The following CNKSR2 variants were observed in gnomAD, a reference collection of about 807,000 sequenced individuals.
CNKSR2 encodes connector enhancer of kinase suppressor of Ras 2, also known as CNK homolog protein 2.
In CNKSR2, 14 loss-of-function variants were observed where a neutral mutation model predicts 84.4. That is an observed-to-expected ratio of 0.17 (90% CI 0.11 to 0.26). The LOEUF (loss-of-function observed/expected upper bound fraction) is 0.26. Ranked by LOEUF, CNKSR2 falls within the 10% of genes least tolerant of loss-of-function variation. CNKSR2 has a pLI of 1.00. For missense variants in CNKSR2, 485 were observed against 771.2 expected, an observed-to-expected ratio of 0.63 and a Z score of 4.40; for synonymous variants, 275 against 277.9, an observed-to-expected ratio of 0.99 and a Z score of 0.10.
chrX:21,573,586 G>A (rs188850220), intron 13 of CNKSR2, among the ~76,000 whole-genome samples: 87 of 112,150 alleles, frequency 7.8e-4, no homozygotes, highest in African/African-American at 2.6e-3. Context: ...ACACCACATG[G>A]GAGCTACCAA....
At chrX:21,585,269 A>G (rs1480574206) in intron 13 of CNKSR2, among the ~76,000 whole-genome samples, 1 of 104,589 alleles carries the variant, frequency 9.6e-6, no homozygotes. Context: ...ATATATATTT[A>G]TATATTATAT....
chrX:21,424,739 A>G (rs1050698551), intron 1 of CNKSR2: 2 of 112,077 alleles, frequency 1.8e-5, no homozygotes, highest in Non-Finnish European at 1.9e-5. Context: ...GCAGTGTCTG[A>G]CAAATAATTC....
At chrX:21,580,693 T>C (rs1325572350) in intron 13 of CNKSR2, among the ~76,000 whole-genome samples, 2 of 111,854 alleles carry the variant, frequency 1.8e-5, no homozygotes, top group Non-Finnish European at 3.8e-5. Flanking sequence ...TTTGAGATTC[T>C]TGGGTTTCAT....
chrX:21,489,289 A>G (rs192560170), intron 5 of CNKSR2, among the ~76,000 whole-genome samples: 18 of 111,583 alleles, frequency 1.6e-4, no homozygotes, highest in African/African-American at 5.5e-4. Flanking sequence ...GGCAAAATAA[A>G]CTTCCTAAAT....
Position 21,512,342 on chromosome X carries a change from T to G in CNKSR2, c.811-4143T>G, listed in dbSNP as rs970820142. Among the ~76,000 whole-genome samples the G allele has an allele frequency of 4.5e-5, 5 of 111,490 alleles. No homozygotes were observed. In the East Asian group the frequency reaches 8.5e-4, roughly 19 times the overall value. On this transcript the variant is annotated intron_variant, in intron 8 of 21. Coordinates refer to ENST00000379510, the MANE Select transcript of CNKSR2 (RefSeq NM_014927.5). ...GATCAAAAACTCTGGGGGTTAAAAC[T>G]CAGCATTCTTTTAACAAGGCTTCAA...
At chrX:21,381,077 T>C (rs2089891896) in intron 1 of CNKSR2, among the ~76,000 whole-genome samples, 1 of 112,287 alleles carries the variant, frequency 8.9e-6, no homozygotes, top group African/African-American at 3.2e-5. Context: ...CCTGTATTCC[T>C]CAAAATGGTA....
intron 1 of CNKSR2, among the ~76,000 whole-genome samples, chrX:21,419,564 C>T (rs1323670706): frequency 9.0e-6 from 1 of 111,200 alleles, no homozygotes; most frequent in African/African-American, 3.3e-5. Flanking sequence ...TCCAGATATT[C>T]AAAAGGACTT....
chrX:21,491,332 T>C lies in CNKSR2; in HGVS notation c.681+754T>C, dbSNP rs374363449. ...TACATGTTAGTTTGGTGCTATAGTGTTTCCACTTTCTCCCTGTATATGAAT... is the reference window on the plus strand; with the variant it reads ...TACATGTTAGTTTGGTGCTATAGTGCTTCCACTTTCTCCCTGTATATGAAT... On this transcript the variant is annotated intron_variant, in intron 6 of 21. Coordinates refer to ENST00000379510, the MANE Select transcript of CNKSR2 (RefSeq NM_014927.5). 6.2e-5 allele frequency: 7 copies of C among 112,046 alleles called. No homozygotes were observed. The East Asian group carries it at 1.7e-3, about 27-fold the overall frequency. The allele number at this position is 112,046 out of a possible 1,213,427, so 9.2% of individuals were successfully genotyped here.
At chrX:21,569,786 G>A (rs1188940693) in intron 13 of CNKSR2, among the ~76,000 whole-genome samples, 2 of 112,065 alleles carry the variant, frequency 1.8e-5, no homozygotes, top group African/African-American at 6.5e-5. Flanking sequence ...CAGCTGAATG[G>A]CTGATATATT....
intron 9 of CNKSR2, among the ~76,000 whole-genome samples, chrX:21,519,712 G>A (rs185636602): frequency 1.4e-4 from 16 of 111,022 alleles, no homozygotes; most frequent in East Asian, 1.1e-3. Context: ...AATCTGTGGC[G>A]TTTATTTAAC....
At chrX:21,430,454 G>A (rs1286831667) in intron 2 of CNKSR2, among the ~76,000 whole-genome samples, 1 of 111,218 alleles carries the variant, frequency 9.0e-6, no homozygotes, top group East Asian at 2.8e-4. Flanking sequence ...CTTTTATGGA[G>A]GCTAATAGCT....
chrX:21,531,826 ATCT>A, intron 10 of CNKSR2, 27 bp from the exon 11 acceptor site: 1 of 1,057,023 alleles, frequency 9.5e-7, no homozygotes, highest in Non-Finnish European at 1.3e-6. Context: ...ATGTTTCTAC[ATCT>A]TCTCCTTTAC....
chrX:21,428,636 T>A (rs898131565), intron 2 of CNKSR2: 21 of 111,222 alleles, frequency 1.9e-4, no homozygotes, highest in Admixed American at 5.8e-4. Context: ...TAAATAAAAA[T>A]ATATATATAG....
At chrX:21,646,133 G>A (rs1011106780) in intron 20 of CNKSR2, among the ~76,000 whole-genome samples, 1 of 111,396 alleles carries the variant, frequency 9.0e-6, no homozygotes, top group African/African-American at 3.3e-5. Context: ...TGTATGATGT[G>A]TAGGGGATGG....
intron 20 of CNKSR2, among the ~76,000 whole-genome samples, chrX:21,638,604 A>C (rs2092681418): frequency 9.0e-6 from 1 of 111,730 alleles, no homozygotes; most frequent in Non-Finnish European, 1.9e-5. Context: ...CACAATTAGA[A>C]GTTTCAGTGA....
chrX:21,542,591 A>G (rs1447645285), intron 11 of CNKSR2, among the ~76,000 whole-genome samples: 1 of 111,605 alleles, frequency 9.0e-6, no homozygotes, highest in Non-Finnish European at 1.9e-5. Context: ...TTGCTTGGCA[A>G]CTTTTCAAAA....
At chrX:21,512,329 T>G (rs779631630) in intron 8 of CNKSR2, among the ~76,000 whole-genome samples, 5 of 111,134 alleles carry the variant, frequency 4.5e-5, no homozygotes, top group Non-Finnish European at 9.4e-5. Flanking sequence ...TCAAAAACTC[T>G]GGGGGTTAAA....
At chrX:21,512,938 G>A (rs1037250840) in intron 8 of CNKSR2, among the ~76,000 whole-genome samples, 18 of 111,812 alleles carry the variant, frequency 1.6e-4, no homozygotes, top group Non-Finnish European at 2.3e-4. Context: ...AATCTTGGCC[G>A]AGAAAACAAT....
At chrX:21,546,609 G>T (rs1194440688) in intron 11 of CNKSR2, among the ~76,000 whole-genome samples, 2 of 110,537 alleles carry the variant, frequency 1.8e-5, no homozygotes, top group South Asian at 7.8e-4. Context: ...GAAAAGCAAC[G>T]CCAGGACACA....
Sources: allele counts gnomAD v4.1 joint callset (sites outside exome capture counted in the v4.1 genomes callset), GRCh38; gene constraint gnomAD v4.1.1; transcripts MANE v1.5; gene names NCBI Gene and HGNC (gene_info 2026-07-23, HGNC 2026-07-21).